The following PRDM16 variants were observed in gnomAD, a reference collection of about 807,000 sequenced individuals.
The protein encoded by PRDM16 is PR/SET domain 16, also known as histone-lysine N-methyltransferase PRDM16.
A neutral mutation model predicts 110.6 loss-of-function variants in PRDM16; 23 were observed. The ratio of observed to expected loss-of-function variants is 0.21; its 90% CI spans 0.15 to 0.29. The LOEUF is 0.29. Among genes scored for constraint, PRDM16 ranks in the 10% least tolerant of loss-of-function variants. The pLI is 1.00. For synonymous variants in PRDM16, 799 were observed against 781.8 expected (o/e 1.02, Z -0.37); for missense variants, 1,615 against 1,794.3 (o/e 0.90, Z 1.81).
chr1:3,093,177 T>C (rs113975784), intron 1 of PRDM16, among the ~76,000 whole-genome samples: 1 of 152,080 alleles, frequency 6.6e-6, no homozygotes, highest in Non-Finnish European at 1.5e-5. Flanking sequence ...CCAAATCTCT[T>C]GAAGGGCCCA....
intron 9 of PRDM16, among the ~76,000 whole-genome samples, chr1:3,413,427 C>G (rs1424162553): frequency 6.6e-6 from 1 of 152,106 alleles, no homozygotes; most frequent in Non-Finnish European, 1.5e-5. Flanking sequence ...TCTCTGATGC[C>G]TCTCTTGGGG....
chr1:3,405,755 C>T (rs1643551713), intron 8 of PRDM16, 107 bp downstream of exon 8: 1 of 1,181,834 alleles, frequency 8.5e-7, no homozygotes, highest in Admixed American at 2.8e-5. Flanking sequence ...CGAGGGGCCC[C>T]AGTTTGTTCA....
intron 3 of PRDM16, among the ~76,000 whole-genome samples, chr1:3,357,557 T>C (rs1642632377): frequency 1.4e-5 from 2 of 139,092 alleles, no homozygotes; most frequent in African/African-American, 6.8e-5. Context: ...GGAAGCGCCG[T>C]TCCCCCCACG....
intron 3 of PRDM16, among the ~76,000 whole-genome samples, chr1:3,306,065 AG>A (rs987320177): frequency 6.6e-6 from 1 of 152,194 alleles, no homozygotes; most frequent in Admixed American, 6.5e-5. Flanking sequence ...ACTTCCCTCC[AG>A]GTTGTGAACG....
chr1:3,258,138 G>A (rs1640088166), intron 3 of PRDM16, among the ~76,000 whole-genome samples: 1 of 152,206 alleles, frequency 6.6e-6, no homozygotes. Context: ...CACAGACCTT[G>A]GAGGGGTGGG....
intron 3 of PRDM16, among the ~76,000 whole-genome samples, chr1:3,351,524 G>C (rs1460787132): frequency 2.2e-4 from 1 of 4,630 alleles, no homozygotes; most frequent in Non-Finnish European, 5.4e-4. Flanking sequence ...ATTGGAACCC[G>C]TCTCTGTCCC....
chr1:3,147,201 G>C (rs532845995), intron 1 of PRDM16, among the ~76,000 whole-genome samples: 1 of 152,132 alleles, frequency 6.6e-6, no homozygotes, highest in African/African-American at 2.4e-5. Flanking sequence ...GTGGACGTGT[G>C]TGTTCAGTGT....
chr1:3,120,302 C>T (rs1270155433), intron 1 of PRDM16, among the ~76,000 whole-genome samples: 1 of 152,182 alleles, frequency 6.6e-6, no homozygotes, highest in Admixed American at 6.5e-5. Flanking sequence ...CCTCCCGGGG[C>T]ACTGGAAGAT....
At chr1:3,357,665 G>A (rs990105872) in intron 3 of PRDM16, among the ~76,000 whole-genome samples, 4 of 152,084 alleles carry the variant, frequency 2.6e-5, no homozygotes, top group South Asian at 2.1e-4. Flanking sequence ...CTGCCCAGTC[G>A]TCTACGCCCA....
chr1:3,407,833 C>G (rs773481387), intron 8 of PRDM16, among the ~76,000 whole-genome samples: 4 of 152,252 alleles, frequency 2.6e-5, no homozygotes, highest in Non-Finnish European at 5.9e-5. Flanking sequence ...ACTGGCCCTG[C>G]CCCGCCTCGG....
intron 5 of PRDM16, among the ~76,000 whole-genome samples, chr1:3,397,172 T>C (rs1316491259): frequency 6.6e-6 from 1 of 152,158 alleles, no homozygotes; most frequent in African/African-American, 2.4e-5. Context: ...CCAAGAGAAG[T>C]GTTAGGGGAA....
At chr1:3,197,070 G>A (rs530367057) in intron 2 of PRDM16, among the ~76,000 whole-genome samples, 1 of 152,190 alleles carries the variant, frequency 6.6e-6, no homozygotes, top group African/African-American at 2.4e-5. Flanking sequence ...GAGGCGGCCC[G>A]AGGCTGACCA....
chr1:3,135,802 C>T (rs1418747852), intron 1 of PRDM16, among the ~76,000 whole-genome samples: 1 of 152,224 alleles, frequency 6.6e-6, no homozygotes, highest in Non-Finnish European at 1.5e-5. Context: ...CCAGCCGTCC[C>T]CAGACCGTCC....
At chr1:3,327,496 C>T (rs1258294708) in intron 3 of PRDM16, among the ~76,000 whole-genome samples, 1 of 152,332 alleles carries the variant, frequency 6.6e-6, no homozygotes, top group South Asian at 2.1e-4. Context: ...CCAACAACGG[C>T]GGCGGCCCCG....
At chr1:3,195,129 C>A (rs1490699524) in intron 2 of PRDM16, among the ~76,000 whole-genome samples, 4 of 152,172 alleles carry the variant, frequency 2.6e-5, no homozygotes, top group Admixed American at 2.6e-4. Context: ...AGAGACGGGG[C>A]CCTGTGGGAT....
At chr1:3,218,607 TTC>T (rs1639084438) in intron 2 of PRDM16, among the ~76,000 whole-genome samples, 1 of 152,232 alleles carries the variant, frequency 6.6e-6, no homozygotes, top group South Asian at 2.1e-4. Context: ...GAAAGGGATG[TTC>T]TCTGCCTTCC....
intron 8 of PRDM16, among the ~76,000 whole-genome samples, chr1:3,410,969 T>A (rs1022852923): frequency 6.6e-6 from 1 of 152,106 alleles, no homozygotes; most frequent in Non-Finnish European, 1.5e-5. Context: ...GCAAAGAAGG[T>A]GGCGGCACAG....
intron 3 of PRDM16, among the ~76,000 whole-genome samples, chr1:3,377,278 C>T (rs926978575): frequency 6.6e-6 from 1 of 152,130 alleles, no homozygotes. Flanking sequence ...ACCGAGAGGG[C>T]AGCGTCCCAG....
At chr1:3,100,037 C>T (rs1642496065) in intron 1 of PRDM16, among the ~76,000 whole-genome samples, 1 of 152,182 alleles carries the variant, frequency 6.6e-6, no homozygotes, top group South Asian at 2.1e-4. Flanking sequence ...GAGCCTGCTC[C>T]TCTAAGCCCT....
Sources: gnomAD v4.1 joint callset for allele counts (sites outside exome capture counted in the v4.1 genomes callset) on GRCh38, gnomAD v4.1.1 for gene constraint, MANE v1.5 for transcripts, NCBI Gene and HGNC (gene_info 2026-07-23, HGNC 2026-07-21) for gene names.